KDM4B: variants seen among roughly 807,000 people sequenced by gnomAD.
KDM4B encodes lysine demethylase 4B.
KDM4B carries 32 observed loss-of-function variants against 125.2 expected under a neutral mutation model. The observed-to-expected ratio is 0.26, with a 90% CI of 0.19 to 0.34. The LOEUF (loss-of-function observed/expected upper bound fraction) is 0.34. KDM4B is among the 10% of genes least tolerant of loss of function. The pLI is 1.00. For synonymous variants in KDM4B, 721 were observed against 677.9 expected (o/e 1.06, Z -0.99); for missense variants, 1,190 against 1,577.7 (o/e 0.75, Z 4.16).
rs558166212 is a variant in KDM4B, at chr19:4,985,627, G to A, written c.-109+16397G>A. 2.8e-4 allele frequency among the ~76,000 whole-genome samples: 43 copies of A among 152,358 alleles called. 1 individual carries two copies. The highest frequency in any genetic ancestry group is 1.1e-3 in the Admixed American group (17 of 15,306). ...GGATGGAATTAAGGGATCTGGCCCC[G>A]CGTGCTGTGCCGGGTGAGAGGCGGG... is the stretch of plus-strand genomic sequence containing the variant. On this transcript the variant is annotated intron_variant, in intron 1 of 22. Transcript: ENST00000159111.
chr19:4,987,234 A>T (rs945656407), intron 1 of KDM4B, among the ~76,000 whole-genome samples: 3 of 152,226 alleles, frequency 2.0e-5, no homozygotes, highest in Non-Finnish European at 2.9e-5. Flanking sequence ...TTAAAGAAAG[A>T]GGAAAGAAAC....
intron 2 of KDM4B, among the ~76,000 whole-genome samples, chr19:5,031,586 G>A (rs575362356): frequency 7.2e-5 from 11 of 152,364 alleles, no homozygotes; most frequent in Middle Eastern, 3.4e-3. Context: ...GGGGTGTGAC[G>A]TCAGGGCTGG....
chr19:5,039,325 C>G (rs142803348), intron 3 of KDM4B, among the ~76,000 whole-genome samples: 1,842 of 152,184 alleles, frequency 0.012, 40 homozygotes, highest in African/African-American at 0.042. Context: ...CATGGTGGTG[C>G]AAGTCTGTGG....
At chr19:5,101,950 T>C (rs1466160481) in intron 9 of KDM4B, among the ~76,000 whole-genome samples, 3 of 152,152 alleles carry the variant, frequency 2.0e-5, no homozygotes, top group African/African-American at 4.8e-5. Flanking sequence ...CCACCTTCTC[T>C]GGCCTCCCCA....
intron 11 of KDM4B, among the ~76,000 whole-genome samples, chr19:5,121,944 G>A (rs902949893): frequency 1.3e-5 from 2 of 152,078 alleles, no homozygotes; most frequent in African/African-American, 4.8e-5. Context: ...AGGAATCCCG[G>A]AGCAGTGGAC....
intron 1 of KDM4B, among the ~76,000 whole-genome samples, chr19:4,989,855 G>A (rs563681990): frequency 1.3e-5 from 2 of 152,292 alleles, no homozygotes; most frequent in African/African-American, 4.8e-5. Flanking sequence ...GTTTCACCTT[G>A]TTCACCAGGC....
At chr19:5,132,985 G>GCCTGC (rs780991698) in intron 13 of KDM4B, among the ~76,000 whole-genome samples, 44 of 152,274 alleles carry the variant, frequency 2.9e-4, no homozygotes, top group African/African-American at 6.0e-4. Context: ...ACCTCGGGGA[G>GCCTGC]CCTGCCCTGC....
intron 1 of KDM4B, among the ~76,000 whole-genome samples, chr19:4,998,850 A>ACACACT (rs2035281481): frequency 6.6e-6 from 1 of 152,174 alleles, no homozygotes; most frequent in Admixed American, 6.5e-5. Flanking sequence ...TCAGGACCAG[A>ACACACT]TTCAGGCCAC....
At position 5,082,299 on chromosome 19, in the gene KDM4B, T is replaced by C. The variant is rs1188670637; in HGVS notation, c.781-68T>C. The C allele has an allele frequency of 6.3e-7, 1 of 1,590,426 alleles. No individual in the cohort carries two copies. The highest frequency in any genetic ancestry group is 8.6e-7 in the Non-Finnish European group (1 of 1,165,786). The stretch of plus-strand genomic sequence containing the variant: ...AGGCTCCCTGGCACTTGCTGGGAAG[T>C]GCCCACGTCCCATCCCCTGGTGCGC... On this transcript the variant is annotated intron_variant, in intron 8 of 22. Coordinates refer to ENST00000159111, the MANE Select transcript of KDM4B (RefSeq NM_015015.3). The surrounding 1 kb of genome is among the most constrained non-coding windows in gnomAD (Gnocchi z 5.4).
In KDM4B at chr19:5,053,266, C is replaced by T. The variant is rs151308079; in HGVS notation, c.626+5597C>T. On this transcript the variant is annotated intron_variant, in intron 6 of 22. Transcript: ENST00000159111. ...CAGGGCTGCATTGGCAGCTCAGAGC[C>T]GCTGCGGTGCCCTGGGAGGTCAGAC... Among the ~76,000 whole-genome samples the T allele has an allele frequency of 1.4e-4, 22 of 152,322 alleles. No individual in the cohort carries two copies. In the East Asian group the frequency reaches 4.1e-3, roughly 28 times the overall value.
rs1027367087 is a variant in KDM4B, at chr19:5,082,689, G to T, written c.918+185G>T. Among the ~76,000 whole-genome samples, 31 of 152,222 alleles carry T rather than the reference G, an allele frequency of 2.0e-4. No individual in the cohort carries two copies. The highest frequency in any genetic ancestry group is 2.8e-4 in the Non-Finnish European group (19 of 68,032). Reference sequence around the variant, plus strand: ...TGCCCAGAACGCTCCTTACCTCGAAGACTGGAGAGGAGGTGGGCAGGTCGG... The same window carrying T: ...TGCCCAGAACGCTCCTTACCTCGAATACTGGAGAGGAGGTGGGCAGGTCGG... On this transcript the variant is annotated intron_variant, in intron 9 of 22. Coordinates refer to ENST00000159111, the MANE Select transcript of KDM4B (RefSeq NM_015015.3). The surrounding 1 kb of genome is among the most constrained non-coding windows in gnomAD (Gnocchi z 5.4).
chr19:5,068,799 T>A (rs915595604), intron 6 of KDM4B, among the ~76,000 whole-genome samples: 1 of 152,268 alleles, frequency 6.6e-6, no homozygotes, highest in Admixed American at 6.5e-5. Context: ...TCCCGCAGTC[T>A]GTGCTTTCTG....
intron 5 of KDM4B, among the ~76,000 whole-genome samples, chr19:5,042,742 A>T (rs2036863127): frequency 6.6e-6 from 1 of 151,378 alleles, no homozygotes; most frequent in Non-Finnish European, 1.5e-5. Context: ...TGCCCTGAGG[A>T]CAGCACCGCG....
At chr19:5,137,874 C>A in intron 17 of KDM4B, 88 bp from the exon 18 acceptor site, 1 of 1,237,246 alleles carries the variant, frequency 8.1e-7, no homozygotes, top group Non-Finnish European at 1.1e-6. Flanking sequence ...GGCCCTGACC[C>A]AGCCGACAGC....
At chr19:5,135,013 A>C (rs1002291820) in intron 14 of KDM4B, among the ~76,000 whole-genome samples, 1 of 152,170 alleles carries the variant, frequency 6.6e-6, no homozygotes, top group Non-Finnish European at 1.5e-5. Flanking sequence ...AGACTCGTTC[A>C]TCACACACCA....
At chr19:4,969,320 C>T (rs1436544653) in intron 1 of KDM4B, 90 bp downstream of exon 1, 6 of 146,234 alleles carry the variant, frequency 4.1e-5, no homozygotes, top group African/African-American at 1.5e-4. Flanking sequence ...GCTGCGGGCG[C>T]GCCCGGGACT....
At chr19:5,023,733 C>A (rs1231432082) in intron 2 of KDM4B, among the ~76,000 whole-genome samples, 4 of 147,300 alleles carry the variant, frequency 2.7e-5, no homozygotes, top group Non-Finnish European at 6.0e-5. Context: ...TGATACTTTT[C>A]AAAAACCATG....
intron 6 of KDM4B, among the ~76,000 whole-genome samples, chr19:5,053,149 ACT>A (rs1310342100): frequency 6.6e-6 from 1 of 152,150 alleles, no homozygotes; most frequent in East Asian, 1.9e-4. Flanking sequence ...CCCACACTGC[ACT>A]CTGTCACCAG....
At chr19:5,089,881 C>A (rs963111372) in intron 9 of KDM4B, among the ~76,000 whole-genome samples, 1 of 152,004 alleles carries the variant, frequency 6.6e-6, no homozygotes, top group African/African-American at 2.4e-5. Context: ...AGTTAAAAAC[C>A]AAACAAAAGG....
Sources: gnomAD v4.1 joint callset for allele counts (sites outside exome capture counted in the v4.1 genomes callset) on GRCh38, gnomAD v4.1.1 for gene constraint, Gnocchi (gnomAD v3.1) non-coding constraint, MANE v1.5 for transcripts, NCBI Gene and HGNC (gene_info 2026-07-23, HGNC 2026-07-21) for gene names.